The following ENKUR variants were observed in gnomAD, a reference collection of about 807,000 sequenced individuals.
ENKUR encodes enkurin.
Under a neutral mutation model 27.6 loss-of-function variants are expected in ENKUR, and 19 were observed. The observed-to-expected ratio is 0.69, with a 90% CI of 0.48 to 1.01. The LOEUF is 1.01. Ranked by LOEUF, ENKUR falls within the 50% of genes least tolerant of loss-of-function variation. The probability of loss-of-function intolerance (pLI) is 0.00; values close to 1 mark genes in which losing one functional copy is unlikely to be tolerated. For synonymous variants in ENKUR, 117 were observed against 96.9 expected (o/e 1.21, Z -1.22); for missense variants, 312 against 310.5 (o/e 1.00, Z -0.04).
intron 4 of ENKUR, among the ~76,000 whole-genome samples, chr10:24,989,879 T>G (rs1340028574): frequency 6.6e-6 from 1 of 152,134 alleles, no homozygotes; most frequent in Non-Finnish European, 1.5e-5. Context: ...AAGCAGAAAC[T>G]CTTACACCCC....
intron 2 of ENKUR, among the ~76,000 whole-genome samples, chr10:25,051,154 G>C (rs992827716): frequency 2.0e-5 from 3 of 152,172 alleles, no homozygotes; most frequent in African/African-American, 7.2e-5. Context: ...TGCAAGTCTT[G>C]TCCAAAGGAT....
intron 1 of ENKUR, among the ~76,000 whole-genome samples, chr10:25,005,388 C>T (rs1196912498): frequency 6.6e-6 from 1 of 152,102 alleles, no homozygotes; most frequent in Non-Finnish European, 1.5e-5. Context: ...ATTTTAAAAA[C>T]CATTTATTTC....
intron 2 of ENKUR, among the ~76,000 whole-genome samples, chr10:25,050,672 G>T (rs553368023): frequency 1.2e-4 from 18 of 152,228 alleles, no homozygotes; most frequent in Admixed American, 3.9e-4. Context: ...ACATGTTATT[G>T]TAATGACAAG....
chr10:25,012,703 C>T (rs1316063042), intron 1 of ENKUR, among the ~76,000 whole-genome samples: 1 of 152,172 alleles, frequency 6.6e-6, no homozygotes, highest in Non-Finnish European at 1.5e-5. Flanking sequence ...TGGGAAGTAC[C>T]TAACTTGCTT....
At chr10:25,025,706 A>G (rs1390214796) in intron 2 of ENKUR, 1 of 443,316 alleles carries the variant, frequency 2.3e-6, no homozygotes, top group South Asian at 3.9e-5. Flanking sequence ...TCTGCTCATG[A>G]GGGGTGTATC....
chr10:25,020,677 G>A (rs1160047570), upstream of ENKUR, among the ~76,000 whole-genome samples: 2 of 151,754 alleles, frequency 1.3e-5, no homozygotes, highest in Admixed American at 6.6e-5. Context: ...GGAGGTTGAG[G>A]CTGCAGTGAG....
chr10:25,007,226 C>A (rs1850331868), intron 1 of ENKUR, among the ~76,000 whole-genome samples: 1 of 151,994 alleles, frequency 6.6e-6, no homozygotes, highest in Non-Finnish European at 1.5e-5. Context: ...AGATATTAAA[C>A]CTTGTTCTGT....
At chr10:25,009,049 T>C (rs903135529) in intron 1 of ENKUR, among the ~76,000 whole-genome samples, 51 of 152,140 alleles carry the variant, frequency 3.4e-4, no homozygotes, top group African/African-American at 1.2e-3. Context: ...AGGTGGGAAT[T>C]GAACAGTGAG....
At position 24,982,064 on chromosome 10, in the gene ENKUR, G is replaced by C. The variant is rs1435300311; in HGVS notation, c.*2306C>G. ...TACCAGCTGTTATGCAGATTCTAAG[G>C]AATGCAGATGAAAATGTATACAGTG... On this transcript the variant is annotated 3_prime_UTR_variant, in exon 6 of 6. Coordinates refer to ENST00000331161, the MANE Select transcript of ENKUR (RefSeq NM_145010.4). 6.6e-6 allele frequency: 1 copy of C among 152,136 alleles called. No homozygotes were observed. Among genetic ancestry groups the C allele is most frequent in the Non-Finnish European group, 1.5e-5 (1 of 68,036 alleles). 9.4% of individuals were successfully genotyped at this position (152,136 alleles called of 1,614,324 possible).
chr10:25,049,921 A>G (rs993544198), intron 2 of ENKUR, among the ~76,000 whole-genome samples: 1 of 152,156 alleles, frequency 6.6e-6, no homozygotes, highest in Admixed American at 6.5e-5. Context: ...TTTATAAGGA[A>G]AAGAGGTTTA....
chr10:25,055,402 C>T (rs762188822), intron 2 of ENKUR, among the ~76,000 whole-genome samples: 5 of 152,012 alleles, frequency 3.3e-5, no homozygotes, highest in Non-Finnish European at 4.4e-5. Flanking sequence ...TAAAGGCCTG[C>T]ATTCTGGGCA....
chr10:25,020,280 A>ATATC (rs1231085900), upstream of ENKUR, among the ~76,000 whole-genome samples: 4 of 82,360 alleles, frequency 4.9e-5, no homozygotes, highest in Admixed American at 2.6e-4. Context: ...ATATCTATAT[A>ATATC]TATCTACCCC....
rs1008307577 is a variant in ENKUR at position 25,023,330 on chromosome 10, C to T, written c.38-27461G>A. 1.2e-5 allele frequency: 20 copies of T among 1,613,966 alleles called. No homozygotes were observed. The highest frequency in any genetic ancestry group is 1.6e-5 in the Non-Finnish European group (19 of 1,179,994). Reference sequence around the variant, plus strand: ...CATGCACAGCGATTTCTTTCAAGAACCTTTGCACTTGCGGAATTGAGGAAG... The same window carrying T: ...CATGCACAGCGATTTCTTTCAAGAATCTTTGCACTTGCGGAATTGAGGAAG... On this transcript the variant is annotated intron_variant, in intron 2 of 5. Transcript: ENST00000615958.
At chr10:25,057,653 G>A (rs1851276531) in intron 2 of ENKUR, among the ~76,000 whole-genome samples, 1 of 152,090 alleles carries the variant, frequency 6.6e-6, no homozygotes, top group Admixed American at 6.6e-5. Context: ...CTACCTCTGT[G>A]GGATAAGGAA....
upstream of ENKUR, among the ~76,000 whole-genome samples, chr10:25,017,823 G>C (rs1850637948): frequency 6.6e-6 from 1 of 151,980 alleles, no homozygotes; most frequent in Admixed American, 6.6e-5. Flanking sequence ...TGGGATTTCT[G>C]TTTAGCAAGT....
At chr10:25,061,332 G>T in exon 2 of ENKUR, 1 of 614,494 alleles carries the variant, frequency 1.6e-6, no homozygotes, top group Non-Finnish European at 2.9e-6. Context: ...CTGCTCTGTT[G>T]GGTGCAGCTC....
At chr10:25,031,307 G>T (rs917458307) in intron 2 of ENKUR, among the ~76,000 whole-genome samples, 30 of 152,210 alleles carry the variant, frequency 2.0e-4, no homozygotes, top group African/African-American at 7.2e-4. Context: ...AGGCCATAAG[G>T]GTGCTAGACA....
chr10:25,006,609 A>G (rs1363673578), intron 1 of ENKUR, among the ~76,000 whole-genome samples: 3 of 152,216 alleles, frequency 2.0e-5, no homozygotes, highest in Non-Finnish European at 4.4e-5. Context: ...CTTTTCTATC[A>G]TAATTTCCCA....
chr10:25,050,292 A>G (rs1851171844), intron 2 of ENKUR, among the ~76,000 whole-genome samples: 1 of 152,196 alleles, frequency 6.6e-6, no homozygotes. Context: ...ACCATTTTGT[A>G]TTAGTCTGTT....
Sources: gnomAD v4.1 joint callset for allele counts (sites outside exome capture counted in the v4.1 genomes callset) on GRCh38, gnomAD v4.1.1 for gene constraint, MANE v1.5 for transcripts, NCBI Gene and HGNC (gene_info 2026-07-23, HGNC 2026-07-21) for gene names.